FAM135B: variants seen among roughly 807,000 people sequenced by gnomAD.
The protein encoded by FAM135B is protein FAM135B.
Under a neutral mutation model 127.7 loss-of-function variants are expected in FAM135B, and 43 were observed. The observed-to-expected ratio is 0.34, with a 90% CI of 0.26 to 0.43. FAM135B has a LOEUF of 0.43. Ranked by LOEUF, FAM135B falls within the 20% of genes least tolerant of loss-of-function variation. The pLI is 1.00. For synonymous variants in FAM135B, 670 were observed against 665.1 expected (o/e 1.01, Z -0.11); for missense variants, 1,558 against 1,725.6 (o/e 0.90, Z 1.72).
At chr8:138,213,288 C>T (rs938615451) in intron 7 of FAM135B, among the ~76,000 whole-genome samples, 3 of 152,250 alleles carry the variant, frequency 2.0e-5, no homozygotes, top group East Asian at 1.9e-4. Flanking sequence ...GTGCACCGTA[C>T]GATCACTACG....
chr8:138,488,328 C>T (rs1215377604), intron 1 of FAM135B, among the ~76,000 whole-genome samples: 1 of 52 alleles, frequency 0.019, no homozygotes, highest in Admixed American at 0.17. Context: ...AAAGTCCTTG[C>T]ACCGGGGAGG....
chr8:138,373,184 G>A (rs1831252722), intron 1 of FAM135B, among the ~76,000 whole-genome samples: 1 of 152,196 alleles, frequency 6.6e-6, no homozygotes, highest in Admixed American at 6.6e-5. Context: ...TTGAGTCCAT[G>A]TTGTGGGAAG....
At chr8:138,455,166 T>A (rs1318434981) in intron 1 of FAM135B, among the ~76,000 whole-genome samples, 1 of 152,226 alleles carries the variant, frequency 6.6e-6, no homozygotes, top group East Asian at 1.9e-4. Flanking sequence ...ACAAATACAA[T>A]GTTGCTGGCA....
intron 15 of FAM135B, among the ~76,000 whole-genome samples, 198 bp downstream of exon 15, chr8:138,145,760 GT>G (rs1369752615): frequency 1.3e-5 from 2 of 152,148 alleles, no homozygotes; most frequent in Non-Finnish European, 2.9e-5. Flanking sequence ...CGATACACAT[GT>G]TCTCATTTCT....
At chr8:138,260,288 T>C (rs941055542) in intron 4 of FAM135B, among the ~76,000 whole-genome samples, 1 of 152,196 alleles carries the variant, frequency 6.6e-6, no homozygotes, top group Non-Finnish European at 1.5e-5. Context: ...CGCAACTGTT[T>C]ACAGAACTCA....
chr8:138,305,278 A>T (rs1279875612), intron 3 of FAM135B, among the ~76,000 whole-genome samples: 1 of 152,152 alleles, frequency 6.6e-6, no homozygotes, highest in African/African-American at 2.4e-5. Context: ...TGCTTTGATG[A>T]GCAATGACTA....
In FAM135B at chr8:138,492,974, G is replaced by A. The variant is rs144059531; in HGVS notation, c.-20+3697C>T. 3.5e-3 allele frequency among the ~76,000 whole-genome samples: 531 copies of A among 152,200 alleles called. 3 individuals are homozygous for A. Among genetic ancestry groups the A allele is most frequent in the African/African-American group, 0.011 (449 of 41,518 alleles). On this transcript the variant is annotated intron_variant, in intron 1 of 19. Coordinates refer to ENST00000395297, the MANE Select transcript of FAM135B (RefSeq NM_015912.4). Reference sequence around the variant, plus strand: ...CTCAGAGTCTGGCATGATGAGTGACGCAGGGCAGGCTACTTATGCAAATGC... The same window carrying A: ...CTCAGAGTCTGGCATGATGAGTGACACAGGGCAGGCTACTTATGCAAATGC...
chr8:138,339,342 T>C lies in FAM135B; in HGVS notation c.78-28422A>G, dbSNP rs1288899028. On this transcript the variant is annotated intron_variant, in intron 2 of 19. Coordinates refer to ENST00000395297, the MANE Select transcript of FAM135B (RefSeq NM_015912.4). ...GATTTGATAAGTCAGTTGCATCCTGTTTAAAAAACTAACTAAATATATATA... is the reference window on the plus strand; with the variant it reads ...GATTTGATAAGTCAGTTGCATCCTGCTTAAAAAACTAACTAAATATATATA... Among the ~76,000 whole-genome samples the C allele has an allele frequency of 4.0e-5, 5 of 124,754 alleles. No homozygotes were observed. In the East Asian group the frequency reaches 9.2e-4, roughly 23 times the overall value. The allele number at this position is 124,754 out of a possible 152,430, so 81.8% of individuals were successfully genotyped here.
At chr8:138,476,465 T>C (rs1241286041) in intron 1 of FAM135B, among the ~76,000 whole-genome samples, 1 of 148,278 alleles carries the variant, frequency 6.7e-6, no homozygotes, top group Non-Finnish European at 1.5e-5. Context: ...ATGGGGGATG[T>C]GGGGTATCTC....
At chr8:138,329,550 A>T (rs1828028842) in intron 2 of FAM135B, among the ~76,000 whole-genome samples, 1 of 152,198 alleles carries the variant, frequency 6.6e-6, no homozygotes, top group Non-Finnish European at 1.5e-5. Flanking sequence ...TGACTAGGAG[A>T]TGTATTCTGT....
At chr8:138,468,475 CT>C (rs1238732127) in intron 1 of FAM135B, among the ~76,000 whole-genome samples, 2 of 152,064 alleles carry the variant, frequency 1.3e-5, no homozygotes, top group Non-Finnish European at 2.9e-5. Flanking sequence ...GAGTTTATCA[CT>C]TGATAAACTT....
chr8:138,443,952 G>C (rs895310270), intron 1 of FAM135B, among the ~76,000 whole-genome samples: 1 of 152,136 alleles, frequency 6.6e-6, no homozygotes, highest in African/African-American at 2.4e-5. Flanking sequence ...AAGGGATGGA[G>C]GAAGATCTAC....
chr8:138,150,171 T>C (rs1291129809), intron 13 of FAM135B, among the ~76,000 whole-genome samples: 1 of 152,132 alleles, frequency 6.6e-6, no homozygotes, highest in Admixed American at 6.6e-5. Flanking sequence ...GCAATATGAA[T>C]ACAAACCCAA....
chr8:138,471,628 A>G (rs571560962), intron 1 of FAM135B, among the ~76,000 whole-genome samples: 1 of 152,314 alleles, frequency 6.6e-6, no homozygotes, highest in South Asian at 2.1e-4. Context: ...GTGCTTTGAA[A>G]TGCACTCCTA....
chr8:138,171,016 C>T (rs996464970), intron 11 of FAM135B, among the ~76,000 whole-genome samples: 3 of 152,340 alleles, frequency 2.0e-5, no homozygotes, highest in Middle Eastern at 3.4e-3. Context: ...ACTCCATGCG[C>T]TCCCAGGCCT....
At chr8:138,357,546 T>C (rs1229107559) in intron 2 of FAM135B, among the ~76,000 whole-genome samples, 3 of 152,158 alleles carry the variant, frequency 2.0e-5, no homozygotes, top group Non-Finnish European at 4.4e-5. Context: ...GTATGCATAT[T>C]TATGTAATCA....
intron 3 of FAM135B, among the ~76,000 whole-genome samples, chr8:138,307,728 G>T (rs1826368575): frequency 3.7e-5 from 2 of 53,946 alleles, no homozygotes; most frequent in Admixed American, 2.6e-4. Context: ...TATCCCCATT[G>T]TGGTAAAAAA....
intron 1 of FAM135B, among the ~76,000 whole-genome samples, chr8:138,466,139 A>G (rs4909427): frequency 0.54 from 81,410 of 151,952 alleles, 22,696 homozygotes; most frequent in East Asian, 0.91. Flanking sequence ...CCCTCTTCCA[A>G]CAAGAGCTCC....
At chr8:138,273,297 C>T (rs932044003) in intron 3 of FAM135B, among the ~76,000 whole-genome samples, 4 of 152,182 alleles carry the variant, frequency 2.6e-5, no homozygotes, top group Admixed American at 1.3e-4. Flanking sequence ...CCTCCACCTC[C>T]AGGGTTCAAG....
Sources: allele counts gnomAD v4.1 joint callset (sites outside exome capture counted in the v4.1 genomes callset), GRCh38; gene constraint gnomAD v4.1.1; transcripts MANE v1.5; gene names NCBI Gene and HGNC (gene_info 2026-07-23, HGNC 2026-07-21).